The following WFDC1 variants were observed in gnomAD, a reference collection of about 807,000 sequenced individuals.
The protein encoded by WFDC1 is WAP four-disulfide core domain protein 1.
Under a neutral mutation model 32.9 loss-of-function variants are expected in WFDC1, and 39 were observed. The ratio of observed to expected loss-of-function variants is 1.19; its 90% CI spans 0.92 to 1.55. WFDC1 has a LOEUF of 1.55. Ranked by LOEUF, WFDC1 falls within the 40% of genes most tolerant of loss-of-function variation. WFDC1 has a pLI of 0.00. For synonymous variants in WFDC1, 184 were observed against 137.4 expected, an observed-to-expected ratio of 1.34 and a Z score of -2.37; for missense variants, 386 against 309.5, an observed-to-expected ratio of 1.25 and a Z score of -1.85.
chr16:84,324,724 G>A (rs1908487698), intron 5 of WFDC1, among the ~76,000 whole-genome samples: 1 of 152,124 alleles, frequency 6.6e-6, no homozygotes, highest in Non-Finnish European at 1.5e-5. Context: ...CTTTCATTCA[G>A]AGAATTGGAA....
chr16:84,308,845 G>A (rs1040222404), intron 1 of WFDC1, among the ~76,000 whole-genome samples: 2 of 151,654 alleles, frequency 1.3e-5, no homozygotes, highest in South Asian at 2.1e-4. Context: ...CAGCCTGGGT[G>A]TAGATGCCAG....
intron 1 of WFDC1, among the ~76,000 whole-genome samples, chr16:84,306,932 A>T (rs1308001180): frequency 6.6e-6 from 1 of 152,224 alleles, no homozygotes; most frequent in Non-Finnish European, 1.5e-5. Context: ...TGAGTTCATA[A>T]TACACAGTCC....
chr16:84,302,530 G>A (rs933447669), intron 1 of WFDC1, among the ~76,000 whole-genome samples: 8 of 151,886 alleles, frequency 5.3e-5, no homozygotes, highest in Admixed American at 2.0e-4. Flanking sequence ...ACTCCGGCTC[G>A]TGGGTCATCG....
intron 1 of WFDC1, 63 bp downstream of exon 1, chr16:84,295,178 G>A: frequency 1.3e-6 from 2 of 1,586,188 alleles, no homozygotes; most frequent in African/African-American, 1.3e-5. Flanking sequence ...CTTGAGGAGA[G>A]GCGATCCCTA....
At chr16:84,311,097 G>C (rs116760978) in intron 1 of WFDC1, among the ~76,000 whole-genome samples, 1,918 of 152,266 alleles carry the variant, frequency 0.013, 35 homozygotes, top group African/African-American at 0.044. Flanking sequence ...TTTCATAGAA[G>C]CAGAAGAGTG....
At position 84,295,025 on chromosome 16, in the gene WFDC1, T is replaced by G. The variant is rs1168682381; in HGVS notation, c.54T>G (p.Ala18=). The G allele has an allele frequency of 2.5e-6, 4 of 1,614,096 alleles. No individual in the cohort carries two copies. The highest frequency in any genetic ancestry group is 3.4e-6 in the Non-Finnish European group (4 of 1,180,040). The part of the protein sequence containing the change: ...PGSCRRQIIR[A]LCLLLLLLHA... ...GCTGCAGGAGGCAGATCATCCGGGCTCTGTGCCTCTTGCTACTTCTCCTCC... is the reference window on the plus strand; with the variant it reads ...GCTGCAGGAGGCAGATCATCCGGGCGCTGTGCCTCTTGCTACTTCTCCTCC... The change falls in exon 1 of 7, where the codon GCT becomes GCG. Residue 18 remains alanine (A), a synonymous_variant. Transcript: ENST00000219454.
chr16:84,309,275 A>T (rs1285801264), intron 1 of WFDC1, among the ~76,000 whole-genome samples: 1 of 151,860 alleles, frequency 6.6e-6, no homozygotes, highest in East Asian at 1.9e-4. Flanking sequence ...TAAATCGAAA[A>T]AGTAACATGT....
intron 4 of WFDC1, 82 bp downstream of exon 4, chr16:84,319,653 A>T (rs1908190408): frequency 1.3e-6 from 2 of 1,540,622 alleles, no homozygotes. Context: ...CGCATGGACG[A>T]CCTGCCCCAG....
intron 5 of WFDC1, among the ~76,000 whole-genome samples, chr16:84,324,854 A>G (rs372646575): frequency 6.6e-6 from 1 of 151,684 alleles, no homozygotes; most frequent in Non-Finnish European, 1.5e-5. Flanking sequence ...CCATCCATCT[A>G]CCCACCATCC....
chr16:84,306,860 G>C (rs1348929539), intron 1 of WFDC1, among the ~76,000 whole-genome samples: 3 of 152,178 alleles, frequency 2.0e-5, no homozygotes, highest in Non-Finnish European at 4.4e-5. Context: ...CTACGAGCCA[G>C]GGACACAGGT....
At chr16:84,308,832 T>C (rs1379146238) in intron 1 of WFDC1, among the ~76,000 whole-genome samples, 1 of 112,588 alleles carries the variant, frequency 8.9e-6, no homozygotes, top group Non-Finnish European at 2.0e-5. Context: ...TCAGTGTAGA[T>C]GCCAGCCTGG....
chr16:84,295,864 G>A (rs977459683), intron 1 of WFDC1: 2 of 152,420 alleles, frequency 1.3e-5, no homozygotes, highest in Non-Finnish European at 2.9e-5. Context: ...ACACAACTAT[G>A]TCTGGGTCGC....
At chr16:84,310,072 C>A (rs1907521001) in intron 1 of WFDC1, among the ~76,000 whole-genome samples, 1 of 152,062 alleles carries the variant, frequency 6.6e-6, no homozygotes, top group Admixed American at 6.6e-5. Context: ...ATTCAGCCAA[C>A]TGTATGTGCA....
At chr16:84,307,805 G>A (rs1053255294) in intron 1 of WFDC1, among the ~76,000 whole-genome samples, 2 of 152,164 alleles carry the variant, frequency 1.3e-5, no homozygotes, top group African/African-American at 4.8e-5. Context: ...CCCAACATGG[G>A]TCCAATGTAG....
intron 1 of WFDC1, among the ~76,000 whole-genome samples, chr16:84,300,497 C>T (rs527425293): frequency 6.6e-5 from 10 of 152,358 alleles, no homozygotes; most frequent in African/African-American, 1.4e-4. Context: ...CGAATCCTGT[C>T]GGATCCATGC....
chr16:84,309,002 C>T (rs1479903802), intron 1 of WFDC1, among the ~76,000 whole-genome samples: 2 of 152,208 alleles, frequency 1.3e-5, no homozygotes, highest in Non-Finnish European at 2.9e-5. Context: ...GAAACTGATG[C>T]TTGCCCAAGG....
In WFDC1 at chr16:84,326,867, G is replaced by A. The variant is rs781377165; in HGVS notation, c.605-15G>A. The A allele has an allele frequency of 6.2e-7, 1 of 1,614,064 alleles. No homozygotes were observed. The highest frequency in any genetic ancestry group is 8.5e-7 in the Non-Finnish European group (1 of 1,179,992). ...TAGATACATCTACCCCAACAGAGCT[G>A]TGTTCTTTTCACAGAAGGTGACTCA... On this transcript the variant is annotated splice_polypyrimidine_tract_variant and intron_variant, in intron 5 of 6. Coordinates refer to ENST00000219454, the MANE Select transcript of WFDC1 (RefSeq NM_021197.4).
At chr16:84,321,488 A>G (rs62050726) in intron 4 of WFDC1, among the ~76,000 whole-genome samples, 5,489 of 152,272 alleles carry the variant, frequency 0.036, 337 homozygotes, top group African/African-American at 0.12. Flanking sequence ...CTATGCCACC[A>G]TTTATAATAA....
At chr16:84,297,609 C>T (rs1297589210) in intron 1 of WFDC1, among the ~76,000 whole-genome samples, 1 of 100,984 alleles carries the variant, frequency 9.9e-6, no homozygotes. Flanking sequence ...AAGAGTGAAA[C>T]TCTGTCTCAA....
Sources: gnomAD v4.1 joint callset for allele counts (sites outside exome capture counted in the v4.1 genomes callset) on GRCh38, gnomAD v4.1.1 for gene constraint, MANE v1.5 for transcripts, NCBI Gene and HGNC (gene_info 2026-07-23, HGNC 2026-07-21) for gene names.